The following RALGAPA1 variants were observed in gnomAD, a reference collection of about 807,000 sequenced individuals.
The protein encoded by RALGAPA1 is ral GTPase-activating protein subunit alpha-1.
A neutral mutation model predicts 269.6 loss-of-function variants in RALGAPA1; 52 were observed. The ratio of observed to expected loss-of-function variants is 0.19; its 90% CI spans 0.15 to 0.24. The LOEUF (loss-of-function observed/expected upper bound fraction) is 0.24. Ranked by LOEUF, RALGAPA1 falls within the 10% of genes least tolerant of loss-of-function variation. RALGAPA1 has a pLI of 1.00. For missense variants in RALGAPA1, 1,917 were observed against 3,013.9 expected (o/e 0.64, Z 8.52); for synonymous variants, 817 against 1,008.3 (o/e 0.81, Z 3.60).
intron 4 of RALGAPA1, among the ~76,000 whole-genome samples, chr14:35,765,253 A>G (rs2074050348): frequency 1.3e-5 from 2 of 152,144 alleles, no homozygotes; most frequent in Admixed American, 1.3e-4. Context: ...TCTTGTTATC[A>G]GGCATGAAAA....
In RALGAPA1 at chr14:35,609,818, T is replaced by C. The variant is rs1470870718; in HGVS notation, c.6930-4109A>G. ...ACACCAGTGGTCCCAGGGCCCCTACTTGGGGAGGCTAAGATGGGAGGATCA... is the reference window on the plus strand; with the variant it reads ...ACACCAGTGGTCCCAGGGCCCCTACCTGGGGAGGCTAAGATGGGAGGATCA... On this transcript the variant is annotated intron_variant, in intron 35 of 41. Transcript: ENST00000680220. Among the ~76,000 whole-genome samples the C allele has an allele frequency of 6.0e-5, 9 of 150,298 alleles. No homozygotes were observed. In the South Asian group the frequency reaches 1.7e-3, roughly 28 times the overall value.
chr14:35,807,623 T>C (rs1431279906), intron 1 of RALGAPA1, among the ~76,000 whole-genome samples: 3 of 152,208 alleles, frequency 2.0e-5, no homozygotes, highest in Non-Finnish European at 2.9e-5. Flanking sequence ...CATCTACCTA[T>C]AGAGTTATTG....
intron 4 of RALGAPA1, among the ~76,000 whole-genome samples, chr14:35,769,250 G>T (rs1413897768): frequency 1.3e-5 from 2 of 151,744 alleles, no homozygotes; most frequent in African/African-American, 2.4e-5. Context: ...GATGAAAGCG[G>T]ATATAGCCAT....
At chr14:35,770,425 G>A (rs2074525405) in intron 4 of RALGAPA1, among the ~76,000 whole-genome samples, 1 of 150,444 alleles carries the variant, frequency 6.6e-6, no homozygotes, top group Non-Finnish European at 1.5e-5. Context: ...ACAATAAACA[G>A]AAAAGAAAGA....
intron 11 of RALGAPA1, among the ~76,000 whole-genome samples, chr14:35,740,515 G>A (rs1326133963): frequency 6.6e-6 from 1 of 152,206 alleles, no homozygotes; most frequent in Admixed American, 6.5e-5. Flanking sequence ...AATTTTAAAA[G>A]CCCACTTAGG....
At chr14:35,768,900 C>T (rs1342785102) in intron 4 of RALGAPA1, among the ~76,000 whole-genome samples, 14 of 144,220 alleles carry the variant, frequency 9.7e-5, no homozygotes, top group African/African-American at 3.6e-4. Context: ...CCCAGCTACT[C>T]GGGAGGCTGA....
At chr14:35,725,792 G>A (rs1304482451) in intron 13 of RALGAPA1, among the ~76,000 whole-genome samples, 1 of 151,888 alleles carries the variant, frequency 6.6e-6, no homozygotes, top group East Asian at 1.9e-4. Context: ...CTTAAGCCTA[G>A]GAGTTTGAGT....
At chr14:35,794,745 G>A (rs991850395) in intron 1 of RALGAPA1, among the ~76,000 whole-genome samples, 1 of 152,172 alleles carries the variant, frequency 6.6e-6, no homozygotes, top group Non-Finnish European at 1.5e-5. Flanking sequence ...GTGAGCCACT[G>A]TGACCGGCCA....
At chr14:35,625,843 C>T (rs1383059521) in intron 34 of RALGAPA1, among the ~76,000 whole-genome samples, 1 of 152,128 alleles carries the variant, frequency 6.6e-6, no homozygotes, top group Non-Finnish European at 1.5e-5. Context: ...ATGGAATTTT[C>T]TTTCTTCCTT....
At chr14:35,638,404 T>C (rs898566416) in intron 31 of RALGAPA1, among the ~76,000 whole-genome samples, 1 of 152,142 alleles carries the variant, frequency 6.6e-6, no homozygotes, top group Non-Finnish European at 1.5e-5. Context: ...TGGCATTAGT[T>C]TAAAATAATG....
intron 13 of RALGAPA1, among the ~76,000 whole-genome samples, chr14:35,725,912 A>G (rs1029084758): frequency 1.3e-5 from 2 of 152,128 alleles, no homozygotes; most frequent in Non-Finnish European, 2.9e-5. Context: ...AGTTAAACCA[A>G]TTCTATTATT....
intron 23 of RALGAPA1, 25 bp downstream of exon 23, chr14:35,674,491 C>T (rs2064776446): frequency 1.9e-6 from 3 of 1,578,664 alleles, no homozygotes; most frequent in Non-Finnish European, 1.7e-6. Context: ...TTCTTCTCCA[C>T]TTATATCCGC....
intron 1 of RALGAPA1, among the ~76,000 whole-genome samples, chr14:35,797,433 G>A (rs1230251556): frequency 6.6e-6 from 1 of 151,528 alleles, no homozygotes; most frequent in Non-Finnish European, 1.5e-5. Context: ...TACAGAGGAA[G>A]AGGAATAAAG....
At chr14:35,768,414 G>A (rs774626749) in intron 4 of RALGAPA1, among the ~76,000 whole-genome samples, 4 of 152,204 alleles carry the variant, frequency 2.6e-5, no homozygotes, top group Non-Finnish European at 5.9e-5. Context: ...AAGAGGTTGA[G>A]TATGATGGCT....
intron 28 of RALGAPA1, among the ~76,000 whole-genome samples, chr14:35,656,714 C>A (rs929242438): frequency 1.3e-5 from 2 of 152,178 alleles, no homozygotes; most frequent in African/African-American, 4.8e-5. Context: ...TCTTCCTTAA[C>A]ACAGCAGATC....
At position 35,620,855 on chromosome 14, in the gene RALGAPA1, A is replaced by C. The variant is rs150025947; in HGVS notation, c.6929+4506T>G. ...GAACTACAAACCACTGCTCAACAAA[A>C]TAAAAGAGGACACAAACAAATGGAA... On this transcript the variant is annotated intron_variant, in intron 35 of 41. Transcript: ENST00000680220. Among the ~76,000 whole-genome samples the C allele has an allele frequency of 9.2e-5, 14 of 152,332 alleles. No homozygotes were observed. In the East Asian group the frequency reaches 9.6e-4, roughly 10 times the overall value.
intron 16 of RALGAPA1, among the ~76,000 whole-genome samples, chr14:35,714,093 TAAA>T (rs1269103441): frequency 3.8e-5 from 5 of 130,166 alleles, no homozygotes; most frequent in Non-Finnish European, 3.3e-5. Context: ...AGACTCCGTC[TAAA>T]AAAAAAAAAA....
chr14:35,658,847 T>C (rs2063360175), intron 28 of RALGAPA1, among the ~76,000 whole-genome samples: 1 of 151,878 alleles, frequency 6.6e-6, no homozygotes, highest in Admixed American at 6.6e-5. Flanking sequence ...TTGACAAATA[T>C]AACTGAACAA....
intron 37 of RALGAPA1, among the ~76,000 whole-genome samples, chr14:35,579,491 C>T (rs1477120689): frequency 6.6e-6 from 1 of 151,694 alleles, no homozygotes; most frequent in Non-Finnish European, 1.5e-5. Flanking sequence ...GCCTGTAGTC[C>T]CAGCTACTCG....
Sources: allele counts gnomAD v4.1 joint callset (sites outside exome capture counted in the v4.1 genomes callset), GRCh38; gene constraint gnomAD v4.1.1; transcripts MANE v1.5; gene names NCBI Gene and HGNC (gene_info 2026-07-23, HGNC 2026-07-21).